The following BDH1 variants were observed in gnomAD, a reference collection of about 807,000 sequenced individuals.
The protein encoded by BDH1 is 3-hydroxybutyrate dehydrogenase 1, also known as D-beta-hydroxybutyrate dehydrogenase, mitochondrial.
A neutral mutation model predicts 33.1 loss-of-function variants in BDH1; 30 were observed. The ratio of observed to expected loss-of-function variants is 0.91; its 90% confidence interval spans 0.68 to 1.23. The LOEUF (loss-of-function observed/expected upper bound fraction) is 1.23, where lower values mean the gene tolerates loss of function less well. Among genes scored for constraint, BDH1 ranks in the 50% most tolerant of loss-of-function variants. The probability of loss-of-function intolerance (pLI) is 0.00; values close to 1 mark genes in which losing one functional copy is unlikely to be tolerated. For missense variants in BDH1, 443 were observed against 464.4 expected, an observed-to-expected ratio of 0.95 and a Z score of 0.42; for synonymous variants, 190 against 183.6, an observed-to-expected ratio of 1.03 and a Z score of -0.28.
At position 197,511,526 on chromosome 3, in the gene BDH1, T is replaced by G. The variant is rs1262805138; in HGVS notation, c.*369A>C. 3 of 263,772 alleles carry G rather than the reference T, an allele frequency of 1.1e-5. No homozygotes were observed. Among genetic ancestry groups the G allele is most frequent in the African/African-American group, 6.6e-5 (3 of 45,324 alleles). The allele number at this position is 263,772 out of a possible 1,614,324, so 16.3% of individuals were successfully genotyped here. A position where few individuals can be genotyped will look rare whatever the true frequency, so the allele number is the denominator to read the frequency against. On this transcript the variant is annotated 3_prime_UTR_variant, in exon 8 of 8. Coordinates refer to ENST00000392379, the MANE Select transcript of BDH1 (RefSeq NM_203314.3). ...TGCATCCTCTTTAAGCTGCAAATGC[T>G]TCATTTACAAAAGAAAAAAACCTGT...
At chr3:197,515,512 C>T (rs1712606489) in intron 6 of BDH1, 26 of 985,582 alleles carry the variant, frequency 2.6e-5, no homozygotes, top group Non-Finnish European at 3.0e-5. Flanking sequence ...GACACTTCCA[C>T]GTCATCTTCG....
rs1716992915 is a variant in BDH1 at position 197,555,897 on chromosome 3, G to T, written c.-312C>A. On this transcript the variant is annotated 5_prime_UTR_variant, in exon 1 of 8. Transcript: ENST00000392379. The stretch of plus-strand genomic sequence containing the variant: ...GGGAGAGCCGAGGGGGGGCGCTGCC[G>T]CAGGGTCTTTCTGGAAGCCCCTCCA... 6.6e-6 allele frequency: 1 copy of T among 152,294 alleles called. No homozygotes were observed. The highest frequency in any genetic ancestry group is 1.5e-5 in the Non-Finnish European group (1 of 68,078). The allele number at this position is 152,294 out of a possible 1,614,324, so 9.4% of individuals were successfully genotyped here. A position where few individuals can be genotyped will look rare whatever the true frequency, so the allele number is the denominator to read the frequency against.
At chr3:197,518,841 C>G (rs1297405975) in intron 6 of BDH1, among the ~76,000 whole-genome samples, 1 of 33,708 alleles carries the variant, frequency 3.0e-5, no homozygotes, top group Non-Finnish European at 5.1e-5. Context: ...TCCATCCCCT[C>G]CTCAGGCCGA....
At chr3:197,540,743 T>C (rs760904536) in intron 3 of BDH1, among the ~76,000 whole-genome samples, 78 of 152,220 alleles carry the variant, frequency 5.1e-4, no homozygotes, top group Non-Finnish European at 7.1e-4. Context: ...GCTGCCCGTC[T>C]TTCTCTAAAC....
chr3:197,546,292 C>A, intron 3 of BDH1, 69 bp downstream of exon 3: 1 of 1,468,642 alleles, frequency 6.8e-7, no homozygotes, highest in Non-Finnish European at 9.5e-7. Flanking sequence ...CCTACACTGT[C>A]CATGTGTGAA....
chr3:197,538,541 G>C (rs1171883271), intron 3 of BDH1: 2 of 364,150 alleles, frequency 5.5e-6, no homozygotes, highest in South Asian at 4.2e-5. Context: ...TAGTAGAGAC[G>C]GGGGTTCACC....
At chr3:197,557,307 G>C (rs576794440), upstream of BDH1, among the ~76,000 whole-genome samples, 1 of 152,338 alleles carries the variant, frequency 6.6e-6, no homozygotes, top group South Asian at 2.1e-4. This position sits in a 1 kb window ranked among gnomAD's most constrained non-coding sequence, Gnocchi z 4.6. Context: ...TTCCTAAATT[G>C]ATCTGGCTCA....
chr3:197,556,402 T>C (rs1025871929), upstream of BDH1, among the ~76,000 whole-genome samples: 3 of 152,196 alleles, frequency 2.0e-5, no homozygotes, highest in Non-Finnish European at 4.4e-5. Context: ...GGGCGGTGGC[T>C]CACGCCTGTA....
At chr3:197,572,414 A>G (rs1319762467) in intron 1 of BDH1, among the ~76,000 whole-genome samples, 1 of 152,246 alleles carries the variant, frequency 6.6e-6, no homozygotes, top group Non-Finnish European at 1.5e-5. Context: ...ACACATAGAC[A>G]TATAGCTTAG....
chr3:197,567,507 T>C (rs1270031623), intron 1 of BDH1, among the ~76,000 whole-genome samples: 4 of 152,220 alleles, frequency 2.6e-5, no homozygotes, highest in Non-Finnish European at 4.4e-5. Flanking sequence ...CCTCCAGTTG[T>C]CCTACCTTTC....
chr3:197,566,960 C>T (rs1717452169), intron 1 of BDH1, among the ~76,000 whole-genome samples: 2 of 152,188 alleles, frequency 1.3e-5, no homozygotes, highest in South Asian at 2.1e-4. Flanking sequence ...TATTTACATA[C>T]ATTAGCCACT....
intron 3 of BDH1, chr3:197,543,135 T>C: frequency 1.0e-6 from 1 of 985,436 alleles, no homozygotes; most frequent in Non-Finnish European, 1.2e-6. Context: ...CCCAGCTTTC[T>C]GCTGAGAGGA....
chr3:197,547,592 G>A (rs1287808926), intron 2 of BDH1, among the ~76,000 whole-genome samples: 2 of 152,228 alleles, frequency 1.3e-5, no homozygotes, highest in East Asian at 3.8e-4. Flanking sequence ...GTAAACTCTC[G>A]CTTGTACTCC....
chr3:197,537,242 T>C lies in BDH1; in HGVS notation c.84-3681A>G, dbSNP rs1159159876. 2.0e-5 allele frequency among the ~76,000 whole-genome samples: 3 copies of C among 152,064 alleles called. No individual in the cohort carries two copies. In the South Asian group the frequency reaches 6.2e-4, roughly 32 times the overall value. ...GGACTCAAGTGATCCTCCCACCTCATCCTCCCAAAGTGCTGGGATTACAGG... is the reference window on the plus strand; with the variant it reads ...GGACTCAAGTGATCCTCCCACCTCACCCTCCCAAAGTGCTGGGATTACAGG... On this transcript the variant is annotated intron_variant, in intron 3 of 7. Transcript: ENST00000392379.
intron 1 of BDH1, among the ~76,000 whole-genome samples, chr3:197,571,359 A>T (rs931250429): frequency 6.6e-6 from 1 of 152,200 alleles, no homozygotes; most frequent in African/African-American, 2.4e-5. Flanking sequence ...TGGTTTTGAA[A>T]TGTGAAGACA....
At chr3:197,571,489 TAATTG>T (rs1277473733) in intron 1 of BDH1, among the ~76,000 whole-genome samples, 3 of 152,202 alleles carry the variant, frequency 2.0e-5, no homozygotes, top group South Asian at 2.1e-4. Flanking sequence ...CAGTGGGAGA[TAATTG>T]AATTGTTGAG....
At chr3:197,543,162 A>G in intron 3 of BDH1, 24 of 985,390 alleles carry the variant, frequency 2.4e-5, no homozygotes, top group Non-Finnish European at 2.9e-5. Context: ...AGTCCATTTG[A>G]ATCTAACAAG....
intron 1 of BDH1, among the ~76,000 whole-genome samples, chr3:197,564,019 T>C (rs1307628749): frequency 6.7e-6 from 1 of 148,234 alleles, no homozygotes; most frequent in Non-Finnish European, 1.5e-5. Flanking sequence ...GGAGAATTGC[T>C]TGAACCCAGG....
rs1036863770 is a variant in BDH1, at chr3:197,549,371, C to T, written c.-43-2885G>A. ...CTCCAGAAAAAAAGAAAACAGCGTG[C>T]GCATCCTTCCTCACTGCTGGGCTCA... On this transcript the variant is annotated intron_variant, in intron 2 of 7. Coordinates refer to ENST00000392379, the MANE Select transcript of BDH1 (RefSeq NM_203314.3). 5.3e-5 allele frequency among the ~76,000 whole-genome samples: 8 copies of T among 152,310 alleles called. No homozygotes were observed. The East Asian group carries it at 7.7e-4, about 15-fold the overall frequency.
Sources: allele counts gnomAD v4.1 joint callset (sites outside exome capture counted in the v4.1 genomes callset), GRCh38; gene constraint gnomAD v4.1.1; non-coding constraint Gnocchi (gnomAD v3.1); transcripts MANE v1.5; gene names NCBI Gene and HGNC (gene_info 2026-07-23, HGNC 2026-07-21).